KAZN: variants seen among roughly 807,000 people sequenced by gnomAD.
KAZN encodes kazrin.
In KAZN, 40 loss-of-function variants were observed where a neutral mutation model predicts 87.4. The observed-to-expected ratio is 0.46, with a 90% confidence interval of 0.36 to 0.60. The LOEUF is 0.60. Ranked by LOEUF, KAZN falls within the 20% of genes least tolerant of loss-of-function variation. The pLI is 0.00. For missense variants in KAZN, 898 were observed against 1,073.9 expected, an observed-to-expected ratio of 0.84 and a Z score of 2.29; for synonymous variants, 466 against 458.3, an observed-to-expected ratio of 1.02 and a Z score of -0.22.
At chr1:14,746,916 G>A (rs1644276104) in intron 1 of KAZN, among the ~76,000 whole-genome samples, 1 of 152,122 alleles carries the variant, frequency 6.6e-6, no homozygotes, top group Non-Finnish European at 1.5e-5. Context: ...TTTCAATAGA[G>A]TATTGTACAA....
chr1:14,555,959 A>T (rs762240134), intron 2 of KAZN, among the ~76,000 whole-genome samples: 5 of 152,196 alleles, frequency 3.3e-5, no homozygotes, highest in Non-Finnish European at 7.3e-5. Context: ...CATGTGCAAA[A>T]ACAATTACAT....
intron 10 of KAZN, among the ~76,000 whole-genome samples, chr1:15,098,729 T>G (rs934886175): frequency 1.3e-5 from 2 of 151,558 alleles, no homozygotes; most frequent in Non-Finnish European, 1.5e-5. Flanking sequence ...AGAAGGGAGG[T>G]TGTCTTGGGC....
At chr1:14,792,105 T>C (rs182918667) in intron 1 of KAZN, among the ~76,000 whole-genome samples, 20 of 152,314 alleles carry the variant, frequency 1.3e-4, no homozygotes, top group Non-Finnish European at 2.8e-4. Context: ...ATGGAAGACT[T>C]GAATCAGAAT....
At chr1:14,421,779 G>C (rs1010027914) in intron 2 of KAZN, among the ~76,000 whole-genome samples, 1 of 152,010 alleles carries the variant, frequency 6.6e-6, no homozygotes, top group Non-Finnish European at 1.5e-5. Context: ...AATTTCTCTC[G>C]GAGTTGGCCA....
chr1:14,394,545 A>T (rs903239293), intron 2 of KAZN, among the ~76,000 whole-genome samples: 1 of 146,850 alleles, frequency 6.8e-6, no homozygotes, highest in African/African-American at 2.7e-5. Flanking sequence ...ACGTTATCAC[A>T]TATGACTGTC....
chr1:14,748,522 G>A (rs1460645661), intron 1 of KAZN, among the ~76,000 whole-genome samples: 1 of 152,196 alleles, frequency 6.6e-6, no homozygotes, highest in Non-Finnish European at 1.5e-5. Flanking sequence ...GTGAAATGGG[G>A]ATAATGATTG....
intron 1 of KAZN, among the ~76,000 whole-genome samples, chr1:14,941,396 C>A (rs751080850): frequency 6.6e-6 from 1 of 152,144 alleles, no homozygotes; most frequent in African/African-American, 2.4e-5. Context: ...AACATGGGCA[C>A]TCAGCCGAGA....
intron 2 of KAZN, among the ~76,000 whole-genome samples, chr1:14,439,446 A>G (rs974678610): frequency 2.6e-5 from 4 of 152,110 alleles, no homozygotes; most frequent in African/African-American, 9.7e-5. Context: ...CTCAATATAG[A>G]AGCCAGAATG....
rs192711885 is a variant in KAZN at position 14,075,603 on chromosome 1, T to C, written c.92-104832T>C. Among the ~76,000 whole-genome samples the C allele has an allele frequency of 2.4e-3, 369 of 152,274 alleles. 2 individuals carry two copies. Among genetic ancestry groups the C allele is most frequent in the African/African-American group, 8.4e-3 (347 of 41,552 alleles). On this transcript the variant is annotated intron_variant, in intron 1 of 16. Coordinates refer to the KAZN transcript ENST00000636203. Reference sequence around the variant, plus strand: ...TGGGCAGACTTTTAAAAAAAAGTCATCCAAATTTTTATACCCATGCATGCT... The same window carrying C: ...TGGGCAGACTTTTAAAAAAAAGTCACCCAAATTTTTATACCCATGCATGCT...
At chr1:14,192,742 G>T (rs1646446724) in intron 2 of KAZN, among the ~76,000 whole-genome samples, 1 of 152,068 alleles carries the variant, frequency 6.6e-6, no homozygotes, top group South Asian at 2.1e-4. Flanking sequence ...TTTGCAAATG[G>T]ATGCCCTACA....
At chr1:14,743,018 T>C (rs559775437) in intron 1 of KAZN, among the ~76,000 whole-genome samples, 1 of 152,218 alleles carries the variant, frequency 6.6e-6, no homozygotes, top group South Asian at 2.1e-4. Context: ...GATCTTTGCT[T>C]TGGTGGATTT....
chr1:14,954,574 G>C (rs1166329063), intron 1 of KAZN, among the ~76,000 whole-genome samples: 3 of 152,226 alleles, frequency 2.0e-5, no homozygotes, highest in South Asian at 4.1e-4. Context: ...GATCTGCACT[G>C]TCCGGTACCC....
intron 2 of KAZN, among the ~76,000 whole-genome samples, chr1:14,443,507 T>G (rs1489270072): frequency 6.6e-6 from 1 of 152,258 alleles, no homozygotes; most frequent in African/African-American, 2.4e-5. Flanking sequence ...AGGCCTGCAG[T>G]CATCTGAGAG....
chr1:14,109,755 T>C (rs1388593322), intron 1 of KAZN, among the ~76,000 whole-genome samples: 1 of 132,372 alleles, frequency 7.6e-6, no homozygotes, highest in Admixed American at 8.3e-5. Context: ...ACCATTCCAT[T>C]CAGCTTAAAC....
At chr1:14,347,795 A>G (rs891064013) in intron 2 of KAZN, among the ~76,000 whole-genome samples, 1 of 152,106 alleles carries the variant, frequency 6.6e-6, no homozygotes, top group Admixed American at 6.5e-5. Flanking sequence ...GTCGAACTAC[A>G]GATTATTTTT....
chr1:14,651,899 G>C (rs1053310583), intron 1 of KAZN, among the ~76,000 whole-genome samples: 6 of 152,204 alleles, frequency 3.9e-5, no homozygotes, highest in African/African-American at 1.4e-4. Flanking sequence ...CAGGTAGTTC[G>C]AATGATACCC....
intron 1 of KAZN, among the ~76,000 whole-genome samples, chr1:14,097,230 A>G (rs948051204): frequency 3.3e-5 from 5 of 152,236 alleles, no homozygotes; most frequent in African/African-American, 9.6e-5. Flanking sequence ...GCCCATTGCC[A>G]TAGTCCAGGG....
chr1:14,966,361 T>C (rs903188645), intron 2 of KAZN, among the ~76,000 whole-genome samples: 2 of 152,212 alleles, frequency 1.3e-5, no homozygotes, highest in Admixed American at 6.5e-5. Flanking sequence ...TTTTTAAACA[T>C]TTTTGTAAAA....
chr1:14,366,039 T>C (rs943951362), intron 2 of KAZN, among the ~76,000 whole-genome samples: 6 of 152,156 alleles, frequency 3.9e-5, no homozygotes, highest in African/African-American at 1.4e-4. Flanking sequence ...ATACAGCAAA[T>C]CTGGTGACAT....
Sources: gnomAD v4.1 joint callset for allele counts (sites outside exome capture counted in the v4.1 genomes callset) on GRCh38, gnomAD v4.1.1 for gene constraint, MANE v1.5 for transcripts, NCBI Gene and HGNC (gene_info 2026-07-23, HGNC 2026-07-21) for gene names.